TBC1D1: variants seen among roughly 807,000 people sequenced by gnomAD.
The protein encoded by TBC1D1 is TBC1 (tre-2/USP6, BUB2, cdc16) domain family, member 1.
TBC1D1 carries 89 observed loss-of-function variants against 125.6 expected under a neutral mutation model. The observed-to-expected ratio is 0.71, with a 90% CI of 0.60 to 0.85. TBC1D1 has a LOEUF of 0.85. Among genes scored for constraint, TBC1D1 ranks in the 40% least tolerant of loss-of-function variants. The probability of loss-of-function intolerance (pLI) is 0.00; values close to 1 mark genes in which losing one functional copy is unlikely to be tolerated. For missense variants in TBC1D1, 1,377 were observed against 1,469.2 expected (o/e 0.94, Z 1.03); for synonymous variants, 565 against 564.1 (o/e 1.00, Z -0.02).
At position 38,132,333 on chromosome 4, in the gene TBC1D1, G is replaced by GGCA. The variant is rs547081723; in HGVS notation, c.3133-736_3133-734dup. ...AACTGGAAAGAAAGGAAATGCCTTG[G>GGCA]GCAGCAGCAGCAGCAGCTGTCTTCT... On this transcript the variant is annotated intron_variant, in intron 18 of 19. Transcript: ENST00000261439. Among the ~76,000 whole-genome samples, 738 of 152,214 alleles carry GGCA rather than the reference G, an allele frequency of 4.8e-3. 5 individuals carry two copies. Among genetic ancestry groups the GGCA allele is most frequent in the African/African-American group, 0.017 (696 of 41,516 alleles).
intron 15 of TBC1D1, among the ~76,000 whole-genome samples, chr4:38,103,589 T>C (rs999045012): frequency 2.0e-5 from 3 of 152,126 alleles, no homozygotes; most frequent in Non-Finnish European, 4.4e-5. Flanking sequence ...TAGAAAGCAG[T>C]TTGTGTGTGT....
intron 2 of TBC1D1, among the ~76,000 whole-genome samples, chr4:37,935,999 C>T (rs945787356): frequency 6.6e-6 from 1 of 152,182 alleles, no homozygotes; most frequent in African/African-American, 2.4e-5. Flanking sequence ...CCCCAGGAGG[C>T]CTTCTCTGGC....
chr4:38,014,586 C>G lies in TBC1D1; in HGVS notation c.495C>G (p.Phe165Leu), dbSNP rs1325222062. The change falls in exon 3 of 20, where the codon TTC becomes TTG. Residue 165 changes from phenylalanine to leucine, a missense_variant. Transcript: ENST00000261439. This position sits in a 1 kb window ranked among gnomAD's most constrained non-coding sequence, Gnocchi z 5.1. ...AGGAGCTGCACTGCCCGTCCGAGTT[C>G]GACGACACGTTTTCCAAGAAGTTCG... The G allele has an allele frequency of 2.5e-6, 4 of 1,613,268 alleles. No individual in the cohort carries two copies. The highest frequency in any genetic ancestry group is 1.1e-5 in the South Asian group (1 of 91,080).
intron 2 of TBC1D1, among the ~76,000 whole-genome samples, chr4:37,909,209 CT>C (rs1480947873): frequency 2.6e-5 from 4 of 152,190 alleles, no homozygotes; most frequent in African/African-American, 9.7e-5. Context: ...CCTCTCTGGG[CT>C]GCATGTTACC....
chr4:38,030,172 G>T (rs1745863749), intron 7 of TBC1D1, among the ~76,000 whole-genome samples: 1 of 152,190 alleles, frequency 6.6e-6, no homozygotes, highest in African/African-American at 2.4e-5. Context: ...AATCAGTATA[G>T]GTAATACACA....
chr4:38,049,743 G>C lies in TBC1D1; in HGVS notation c.1755G>C (p.Ser585=). 1 of 1,614,046 alleles carries C rather than the reference G, an allele frequency of 6.2e-7. No homozygotes were observed. The highest frequency in any genetic ancestry group is 8.5e-7 in the Non-Finnish European group (1 of 1,179,998). ...TCCCAGAAGAGCCAGCTCCGCTGTC[G>C]CCCCAGCAGGCCTTCAGGAGGCGAG... is the stretch of plus-strand genomic sequence containing the variant. The change falls in exon 11 of 20, where the codon TCG becomes TCC. Residue 585 remains serine, a synonymous_variant. Transcript: ENST00000261439.
At chr4:38,092,556 C>A (rs1758600455) in intron 13 of TBC1D1, among the ~76,000 whole-genome samples, 1 of 151,664 alleles carries the variant, frequency 6.6e-6, no homozygotes. Context: ...TGTGGTGAAA[C>A]CCTGTCTCTA....
chr4:38,047,824 A>G (rs73132572), intron 10 of TBC1D1, among the ~76,000 whole-genome samples: 10,086 of 152,226 alleles, frequency 0.066, 1,128 homozygotes, highest in African/African-American at 0.23. Context: ...AATTGTGCCT[A>G]TGGAAGTGAA....
intron 2 of TBC1D1, among the ~76,000 whole-genome samples, chr4:37,937,010 T>G (rs1029814373): frequency 2.6e-5 from 4 of 152,084 alleles, no homozygotes; most frequent in African/African-American, 9.7e-5. Context: ...GCCTGGCAAA[T>G]GAACAGCAAC....
chr4:37,953,347 C>T (rs938783924), intron 2 of TBC1D1, among the ~76,000 whole-genome samples: 2 of 152,110 alleles, frequency 1.3e-5, no homozygotes, highest in Non-Finnish European at 2.9e-5. Flanking sequence ...TTATTAAAAA[C>T]GTTTTCAAAG....
chr4:37,959,984 T>C (rs1268747075), intron 2 of TBC1D1, among the ~76,000 whole-genome samples: 1 of 152,184 alleles, frequency 6.6e-6, no homozygotes, highest in East Asian at 1.9e-4. Context: ...GCTGCTTTAG[T>C]AAAAAATGGA....
At chr4:38,059,048 T>G (rs1752278177) in intron 12 of TBC1D1, among the ~76,000 whole-genome samples, 1 of 152,346 alleles carries the variant, frequency 6.6e-6, no homozygotes, top group African/African-American at 2.4e-5. Flanking sequence ...GATGTGTGAC[T>G]GTTTTCTATG....
chr4:37,960,224 A>G (rs1729706542), intron 2 of TBC1D1, among the ~76,000 whole-genome samples: 1 of 152,330 alleles, frequency 6.6e-6, no homozygotes, highest in East Asian at 1.9e-4. Flanking sequence ...CTTACAGCTA[A>G]CAGAAAGTGG....
At chr4:37,916,265 T>G (rs1469347521) in intron 2 of TBC1D1, among the ~76,000 whole-genome samples, 1 of 152,180 alleles carries the variant, frequency 6.6e-6, no homozygotes, top group African/African-American at 2.4e-5. Flanking sequence ...TATGAAATCA[T>G]TTTTTATATC....
intron 12 of TBC1D1, among the ~76,000 whole-genome samples, chr4:38,058,916 G>A (rs2152493860): frequency 6.6e-6 from 1 of 152,296 alleles, no homozygotes; most frequent in Admixed American, 6.5e-5. Context: ...ACTAAATATA[G>A]TGTAAAAAGA....
intron 2 of TBC1D1, chr4:37,952,817 A>G (rs1441443139): frequency 6.6e-6 from 1 of 152,264 alleles, no homozygotes; most frequent in African/African-American, 2.4e-5. Context: ...GAAAAATAAA[A>G]TGTCCATCTC....
intron 14 of TBC1D1, among the ~76,000 whole-genome samples, chr4:38,099,486 C>T (rs1227823128): frequency 6.6e-6 from 1 of 152,176 alleles, no homozygotes; most frequent in Non-Finnish European, 1.5e-5. Flanking sequence ...TTATTAATAG[C>T]CTTCCTCCTC....
chr4:38,127,972 G>A (rs1764935015), intron 18 of TBC1D1, among the ~76,000 whole-genome samples: 1 of 152,072 alleles, frequency 6.6e-6, no homozygotes, highest in Admixed American at 6.5e-5. Context: ...GGCCTTTGCA[G>A]CACAAACAAT....
chr4:37,918,314 TG>T (rs1162628456), intron 2 of TBC1D1, among the ~76,000 whole-genome samples: 3 of 152,244 alleles, frequency 2.0e-5, no homozygotes, highest in Non-Finnish European at 4.4e-5. Context: ...ATCAGAAAGT[TG>T]TACGTAGCCT....
Sources: allele counts gnomAD v4.1 joint callset (sites outside exome capture counted in the v4.1 genomes callset), GRCh38; gene constraint gnomAD v4.1.1; non-coding constraint Gnocchi (gnomAD v3.1); transcripts MANE v1.5; gene names NCBI Gene and HGNC (gene_info 2026-07-23, HGNC 2026-07-21).